The following KHDRBS2 variants were observed in gnomAD, a reference collection of about 807,000 sequenced individuals.
KHDRBS2 encodes the protein KH RNA binding domain containing, signal transduction associated 2, also known as KH domain-containing, RNA-binding, signal transduction-associated protein 2.
Under a neutral mutation model 44.3 loss-of-function variants are expected in KHDRBS2, and 26 were observed. The ratio of observed to expected loss-of-function variants is 0.59; its 90% CI spans 0.43 to 0.81. The LOEUF (loss-of-function observed/expected upper bound fraction) is 0.81, where lower values mean the gene tolerates loss of function less well. Ranked by LOEUF, KHDRBS2 falls within the 40% of genes least tolerant of loss-of-function variation. KHDRBS2 has a pLI of 0.00. For synonymous variants in KHDRBS2, 194 were observed against 151.1 expected, an observed-to-expected ratio of 1.28 and a Z score of -2.08; for missense variants, 476 against 433.1, an observed-to-expected ratio of 1.10 and a Z score of -0.88.
At chr6:62,124,603 A>G (rs1367437105) in intron 2 of KHDRBS2, among the ~76,000 whole-genome samples, 1 of 151,770 alleles carries the variant, frequency 6.6e-6, no homozygotes, top group Non-Finnish European at 1.5e-5. Flanking sequence ...ACACACACAC[A>G]CACACACACA....
chr6:61,739,566 G>A (rs992852922), intron 6 of KHDRBS2, among the ~76,000 whole-genome samples: 1 of 151,804 alleles, frequency 6.6e-6, no homozygotes, highest in Non-Finnish European at 1.5e-5. Context: ...CCTCAATTTT[G>A]TGTTCCATTT....
At chr6:61,750,576 G>C (rs1303621375) in intron 6 of KHDRBS2, among the ~76,000 whole-genome samples, 4 of 152,122 alleles carry the variant, frequency 2.6e-5, no homozygotes, top group Non-Finnish European at 5.9e-5. Context: ...AATGGTGCTT[G>C]GCTCACTACT....
At chr6:62,051,607 T>C (rs1789061292) in intron 2 of KHDRBS2, among the ~76,000 whole-genome samples, 1 of 151,816 alleles carries the variant, frequency 6.6e-6, no homozygotes, top group Non-Finnish European at 1.5e-5. Context: ...TACCAAAAGC[T>C]CAAGCCACAA....
intron 6 of KHDRBS2, among the ~76,000 whole-genome samples, chr6:61,800,439 G>T (rs1170296551): frequency 6.6e-6 from 1 of 152,046 alleles, no homozygotes; most frequent in Non-Finnish European, 1.5e-5. Flanking sequence ...CACACAAACT[G>T]CAAAGCAAAA....
chr6:61,712,614 A>T (rs571427769), intron 7 of KHDRBS2, among the ~76,000 whole-genome samples: 45 of 152,022 alleles, frequency 3.0e-4, no homozygotes, highest in African/African-American at 9.9e-4. Flanking sequence ...TTACTTATTA[A>T]GCTATAAAGT....
intron 3 of KHDRBS2, among the ~76,000 whole-genome samples, chr6:61,982,453 C>T (rs1338810753): frequency 6.6e-6 from 1 of 151,956 alleles, no homozygotes; most frequent in East Asian, 1.9e-4. Context: ...GGGCGGATCA[C>T]GAGGTCAGGA....
At chr6:61,991,832 C>T (rs558011777) in intron 3 of KHDRBS2, among the ~76,000 whole-genome samples, 204 of 152,244 alleles carry the variant, frequency 1.3e-3, no homozygotes, top group Non-Finnish European at 2.5e-3. Context: ...TACAACACAA[C>T]GAAAGACTAC....
the KHDRBS2 span, among the ~76,000 whole-genome samples, chr6:61,662,035 G>A: frequency 6.6e-6 from 1 of 151,890 alleles, no homozygotes; most frequent in Non-Finnish European, 1.5e-5. Context: ...GCATGGTACT[G>A]GTACCAAAAC....
At chr6:61,981,110 G>A (rs1228687263) in intron 3 of KHDRBS2, among the ~76,000 whole-genome samples, 1 of 145,470 alleles carries the variant, frequency 6.9e-6, no homozygotes, top group African/African-American at 2.5e-5. Flanking sequence ...TAAATAAAGA[G>A]CACCTTAGAT....
At chr6:61,768,367 A>T (rs1780317380) in intron 6 of KHDRBS2, among the ~76,000 whole-genome samples, 1 of 152,030 alleles carries the variant, frequency 6.6e-6, no homozygotes, top group Non-Finnish European at 1.5e-5. Flanking sequence ...GTGTTCTGTC[A>T]CCTTCTTGTC....
chr6:62,167,556 T>C (rs1250944047), intron 2 of KHDRBS2, among the ~76,000 whole-genome samples: 1 of 152,128 alleles, frequency 6.6e-6, no homozygotes. Context: ...TGAATTTTTT[T>C]TCCTCATAAA....
intron 4 of KHDRBS2, among the ~76,000 whole-genome samples, chr6:61,973,422 T>C (rs1771852430): frequency 6.6e-6 from 1 of 152,162 alleles, no homozygotes. Context: ...TATCCTCCAT[T>C]TGCTTTTGCC....
At chr6:61,624,378 A>G in the KHDRBS2 span, among the ~76,000 whole-genome samples, 1 of 152,172 alleles carries the variant, frequency 6.6e-6, no homozygotes, top group Admixed American at 6.5e-5. Flanking sequence ...CCAAGTGGAC[A>G]CTTGTTGACA....
intron 2 of KHDRBS2, among the ~76,000 whole-genome samples, chr6:62,108,517 A>G (rs1804108027): frequency 6.6e-6 from 1 of 152,198 alleles, no homozygotes; most frequent in Admixed American, 6.5e-5. Flanking sequence ...AACTAGTTCA[A>G]CCATCGTGGA....
Position 61,680,995 on chromosome 6 carries a change from C to G in KHDRBS2, c.1018G>C (p.Gly340Arg), listed in dbSNP as rs139583671. The change falls in exon 9 of 9, where the codon GGA (glycine) becomes CGA (arginine). Residue 340 changes from glycine to arginine, a missense_variant. By Grantham distance (125) the Gly-to-Arg change is moderately radical (BLOSUM62 -2). Coordinates refer to ENST00000281156, the MANE Select transcript of KHDRBS2 (RefSeq NM_152688.4). ...KAPPQRSARG[G>R]YREHPYGRY ...CTACCATAGGGGTGTTCCCTGTATC[C>G]CCCTCTGGCTGACCTTTGCGGTGGT... 8.8e-5 allele frequency: 142 copies of G among 1,611,248 alleles called. No homozygotes were observed. The highest frequency in any genetic ancestry group is 1.0e-4 in the Non-Finnish European group (122 of 1,178,376).
chr6:62,065,254 AC>A (rs1254986009), intron 2 of KHDRBS2, among the ~76,000 whole-genome samples: 1 of 152,088 alleles, frequency 6.6e-6, no homozygotes, highest in Non-Finnish European at 1.5e-5. Flanking sequence ...AACTACAAAT[AC>A]CATTTGACCC....
At chr6:61,987,898 T>C (rs1002988591) in intron 3 of KHDRBS2, among the ~76,000 whole-genome samples, 3 of 152,116 alleles carry the variant, frequency 2.0e-5, no homozygotes, top group Non-Finnish European at 2.9e-5. Context: ...ATACTCCAAA[T>C]GGTCATCTAT....
intron 6 of KHDRBS2, among the ~76,000 whole-genome samples, chr6:61,845,633 C>T (rs1246549487): frequency 1.3e-5 from 2 of 152,142 alleles, no homozygotes; most frequent in Non-Finnish European, 2.9e-5. Flanking sequence ...TTCTTCATGT[C>T]ACCTTTGAGA....
At chr6:61,626,053 G>A in the KHDRBS2 span, among the ~76,000 whole-genome samples, 1 of 152,092 alleles carries the variant, frequency 6.6e-6, no homozygotes, top group African/African-American at 2.4e-5. Context: ...TATTAATGAA[G>A]TATAGAGAAG....
Sources: gnomAD v4.1 joint callset for allele counts (sites outside exome capture counted in the v4.1 genomes callset) on GRCh38, gnomAD v4.1.1 for gene constraint, MANE v1.5 for transcripts, NCBI Gene and HGNC (gene_info 2026-07-23, HGNC 2026-07-21) for gene names.